Variants in REDIC1 observed in about 807,000 individuals in gnomAD.
The protein encoded by REDIC1 is regulator of DNA class I crossover intermediates 1.
chr12:39,896,322 A>ATGTGTATATATGTATACATATATGTATG, the REDIC1 span, among the ~76,000 whole-genome samples: 135 of 86,928 alleles, frequency 1.6e-3, 1 homozygote, highest in Non-Finnish European at 2.5e-3. Flanking sequence ...ATATGTATGT[A>ATGTGTATATATGTATACATATATGTATG]TATGTGTATA....
the REDIC1 span, among the ~76,000 whole-genome samples, chr12:39,762,141 T>C: frequency 1.3e-5 from 2 of 152,164 alleles, no homozygotes; most frequent in South Asian, 4.1e-4. Context: ...TGGGTTCCAA[T>C]GGTTAGACCT....
chr12:39,633,684 T>C, the REDIC1 span, among the ~76,000 whole-genome samples: 262 of 152,306 alleles, frequency 1.7e-3, no homozygotes, highest in African/African-American at 6.1e-3. Context: ...TTTGCTACCA[T>C]GTTACGACAA....
At chr12:39,861,110 C>G in the REDIC1 span, among the ~76,000 whole-genome samples, 3 of 152,174 alleles carry the variant, frequency 2.0e-5, no homozygotes, top group African/African-American at 4.8e-5. Flanking sequence ...ATCTTTGTAC[C>G]TGCCATTCTT....
chr12:39,711,817 ACACATGCAT>A, the REDIC1 span, among the ~76,000 whole-genome samples: 1 of 65,530 alleles, frequency 1.5e-5, no homozygotes, highest in South Asian at 5.2e-4. Flanking sequence ...GTATGTGTGT[ACACATGCAT>A]GTGTATATGT....
chr12:39,786,172 G>A, the REDIC1 span, among the ~76,000 whole-genome samples: 1 of 152,128 alleles, frequency 6.6e-6, no homozygotes, highest in African/African-American at 2.4e-5. Context: ...TCAACTTGAG[G>A]TATATCTCCC....
the REDIC1 span, among the ~76,000 whole-genome samples, chr12:39,631,334 T>A: frequency 6.6e-6 from 1 of 152,234 alleles, no homozygotes; most frequent in Admixed American, 6.5e-5. Flanking sequence ...AATTATTGAA[T>A]ATAAGGCTTT....
chr12:39,684,212 GC>G, the REDIC1 span: 1 of 1,018,590 alleles, frequency 9.8e-7, no homozygotes, highest in Non-Finnish European at 1.2e-6. Context: ...TTTGAGAACT[GC>G]CTTCCAGGCT....
chr12:39,651,611 A>G, the REDIC1 span, among the ~76,000 whole-genome samples: 1 of 152,178 alleles, frequency 6.6e-6, no homozygotes, highest in African/African-American at 2.4e-5. Context: ...GTTTAAAATT[A>G]TCTACTTACA....
the REDIC1 span, among the ~76,000 whole-genome samples, chr12:39,628,827 T>C: frequency 6.6e-6 from 1 of 152,184 alleles, no homozygotes; most frequent in Non-Finnish European, 1.5e-5. Flanking sequence ...ATTCATTTGC[T>C]CTTGAAAATG....
At chr12:39,745,237 G>C in the REDIC1 span, among the ~76,000 whole-genome samples, 1 of 152,156 alleles carries the variant, frequency 6.6e-6, no homozygotes, top group African/African-American at 2.4e-5. Flanking sequence ...ATTAGGCTTA[G>C]TTCCTAAATC....
At chr12:39,715,652 C>T in the REDIC1 span, among the ~76,000 whole-genome samples, 6 of 151,962 alleles carry the variant, frequency 3.9e-5, no homozygotes, top group South Asian at 2.1e-4. Flanking sequence ...AATCTGGACA[C>T]ATCACACTAC....
At chr12:39,711,357 A>C in the REDIC1 span, among the ~76,000 whole-genome samples, 3 of 147,386 alleles carry the variant, frequency 2.0e-5, no homozygotes, top group African/African-American at 7.4e-5. Flanking sequence ...ATATGTATAT[A>C]TACATATATA....
chr12:39,791,133 T>G, the REDIC1 span, among the ~76,000 whole-genome samples: 3 of 151,802 alleles, frequency 2.0e-5, no homozygotes, highest in Admixed American at 6.6e-5. Flanking sequence ...CTTTGTCAGA[T>G]GAGTAGGTTG....
the REDIC1 span, among the ~76,000 whole-genome samples, chr12:39,819,563 C>A: frequency 6.6e-6 from 1 of 152,072 alleles, no homozygotes; most frequent in Non-Finnish European, 1.5e-5. Flanking sequence ...TTTCATTTAC[C>A]TTTTCTCTCA....
the REDIC1 span, among the ~76,000 whole-genome samples, chr12:39,821,109 A>C: frequency 6.6e-6 from 1 of 151,948 alleles, no homozygotes; most frequent in African/African-American, 2.4e-5. Flanking sequence ...TTTTCTTTAG[A>C]GTTCCTTTTA....
chr12:39,736,473 G>T, the REDIC1 span, among the ~76,000 whole-genome samples: 2 of 152,304 alleles, frequency 1.3e-5, 1 homozygote, highest in South Asian at 4.1e-4. Context: ...TAAGTAAGTG[G>T]AGTATATTTT....
At chr12:39,629,779 A>G in the REDIC1 span, among the ~76,000 whole-genome samples, 2 of 152,168 alleles carry the variant, frequency 1.3e-5, no homozygotes, top group South Asian at 2.1e-4. Flanking sequence ...ATTAATTTAC[A>G]TGTATATGAT....
chr12:39,681,572 G>A, the REDIC1 span, among the ~76,000 whole-genome samples: 5 of 151,930 alleles, frequency 3.3e-5, no homozygotes, highest in Non-Finnish European at 7.4e-5. Flanking sequence ...CATGTTAATG[G>A]TGTATATTAG....
At chr12:39,687,841 T>C in the REDIC1 span, among the ~76,000 whole-genome samples, 1 of 152,180 alleles carries the variant, frequency 6.6e-6, no homozygotes, top group Non-Finnish European at 1.5e-5. Flanking sequence ...TGCTAGGAAG[T>C]TTATGTAGTT....
Sources: allele counts gnomAD v4.1 joint callset (sites outside exome capture counted in the v4.1 genomes callset), GRCh38; gene constraint gnomAD v4.1.1; transcripts MANE v1.5; gene names NCBI Gene and HGNC (gene_info 2026-07-23, HGNC 2026-07-21).